The following RGS6 variants were observed in gnomAD, a reference collection of about 807,000 sequenced individuals.
The protein encoded by RGS6 is regulator of G-protein signaling 6.
RGS6 carries 30 observed loss-of-function variants against 78.5 expected under a neutral mutation model. That is an observed-to-expected ratio of 0.38 (90% CI 0.29 to 0.52). The LOEUF is 0.52. Ranked by LOEUF, RGS6 falls within the 20% of genes least tolerant of loss-of-function variation. RGS6 has a pLI of 0.85. For missense variants in RGS6, 495 were observed against 609.7 expected (o/e 0.81, Z 1.98); for synonymous variants, 206 against 206.0 (o/e 1.00, Z 0.00).
At chr14:71,933,448 C>G (rs2088254173) in intron 1 of RGS6, 1 of 152,292 alleles carries the variant, frequency 6.6e-6, no homozygotes, top group East Asian at 1.9e-4. Flanking sequence ...TGTTTGGGAA[C>G]TGCGCTAGCA....
At chr14:72,513,306 G>A (rs913269461) in intron 14 of RGS6, among the ~76,000 whole-genome samples, 1 of 152,092 alleles carries the variant, frequency 6.6e-6, no homozygotes, top group African/African-American at 2.4e-5. Context: ...ATCCTTTAAG[G>A]AACAATTTCT....
intron 2 of RGS6, among the ~76,000 whole-genome samples, chr14:72,180,224 G>A (rs1039889552): frequency 6.6e-6 from 1 of 152,162 alleles, no homozygotes; most frequent in African/African-American, 2.4e-5. Flanking sequence ...ATCTGAGCTG[G>A]CATTTTGGGT....
At chr14:71,972,948 C>G (rs901656190) in intron 2 of RGS6, among the ~76,000 whole-genome samples, 2 of 152,158 alleles carry the variant, frequency 1.3e-5, no homozygotes, top group Admixed American at 6.5e-5. Context: ...AGCTGTAGAA[C>G]TGGATTGCCT....
the RGS6 span, among the ~76,000 whole-genome samples, chr14:72,610,759 G>T: frequency 6.6e-6 from 1 of 152,198 alleles, no homozygotes; most frequent in Non-Finnish European, 1.5e-5. Flanking sequence ...TGGCTCTTGG[G>T]CTCCCAGGTT....
At chr14:72,580,075 T>A in the RGS6 span, among the ~76,000 whole-genome samples, 3 of 152,244 alleles carry the variant, frequency 2.0e-5, no homozygotes, top group African/African-American at 4.8e-5. Context: ...AATTCTTAGC[T>A]ACTGCAAAAA....
intron 3 of RGS6, among the ~76,000 whole-genome samples, chr14:72,368,381 A>G (rs2152823081): frequency 6.6e-6 from 1 of 152,338 alleles, no homozygotes; most frequent in East Asian, 1.9e-4. Flanking sequence ...CTAGTCATTC[A>G]TTAATGATCC....
rs141432295 is a variant in RGS6 at position 72,518,531 on chromosome 14, C to A, written c.1272C>A (p.Asp424Glu). ...ATGGAGGGAGATATACATTTGAAGA[C>A]GCCCAGGTTTGCTTATCTACTCAAG... The part of the protein sequence containing the change: ...VKDGGRYTFE[D>E]AQEHIYKLMK... The change falls in exon 15 of 18, where the codon GAC becomes GAA. Residue 424 changes from aspartate (D) to glutamate (E), a missense_variant. Asp to Glu is a conservative substitution (Grantham distance 45). Transcript: ENST00000553525. 5.0e-6 allele frequency: 8 copies of A among 1,613,798 alleles called. No individual in the cohort carries two copies. Among genetic ancestry groups the A allele is most frequent in the African/African-American group, 1.3e-5 (1 of 74,924 alleles).
intron 2 of RGS6, among the ~76,000 whole-genome samples, chr14:72,222,429 G>A (rs2047095086): frequency 6.6e-6 from 1 of 152,212 alleles, no homozygotes; most frequent in South Asian, 2.1e-4. Context: ...GCAGTAGCAT[G>A]TGCCCTGTCT....
intron 2 of RGS6, among the ~76,000 whole-genome samples, chr14:72,031,444 A>G (rs1204698695): frequency 1.3e-5 from 2 of 152,306 alleles, no homozygotes; most frequent in African/African-American, 4.8e-5. Context: ...AATATAATTG[A>G]CATATTTCCC....
At chr14:72,030,045 C>A (rs1203522100) in intron 2 of RGS6, among the ~76,000 whole-genome samples, 1 of 152,136 alleles carries the variant, frequency 6.6e-6, no homozygotes, top group Non-Finnish European at 1.5e-5. Context: ...GTAAAGAGTT[C>A]TAAGATCTTC....
At chr14:72,245,952 G>C (rs1001472219) in intron 2 of RGS6, among the ~76,000 whole-genome samples, 2 of 152,202 alleles carry the variant, frequency 1.3e-5, no homozygotes, top group Admixed American at 6.5e-5. Context: ...CAGGCATAGG[G>C]AGGGTACCTT....
At chr14:71,982,724 T>C (rs2094524141) in intron 2 of RGS6, among the ~76,000 whole-genome samples, 1 of 152,238 alleles carries the variant, frequency 6.6e-6, no homozygotes, top group Non-Finnish European at 1.5e-5. Flanking sequence ...GCAGCTCCAA[T>C]TGCTGGGCTC....
intron 2 of RGS6, among the ~76,000 whole-genome samples, chr14:72,074,722 A>G (rs989295341): frequency 2.6e-5 from 4 of 152,098 alleles, no homozygotes; most frequent in Non-Finnish European, 5.9e-5. Context: ...CCTATCTCAT[A>G]TGCAAGAGGG....
chr14:72,340,416 C>A (rs2076779334), intron 2 of RGS6, among the ~76,000 whole-genome samples: 1 of 152,132 alleles, frequency 6.6e-6, no homozygotes, highest in African/African-American at 2.4e-5. Context: ...GAGGAAGCCC[C>A]AAATGCGTAG....
In RGS6 at chr14:72,097,057, T is replaced by C. The variant is rs564797397; in HGVS notation, c.84+132182T>C. On this transcript the variant is annotated intron_variant, in intron 2 of 17. Coordinates refer to ENST00000553525, the MANE Select transcript of RGS6 (RefSeq NM_001204424.2). ...CTAGTACCCTCGAGTGTCCTTTTCA[T>C]GCCATTGGAAACTTGACAATAGTAA... Among the ~76,000 whole-genome samples the C allele has an allele frequency of 2.6e-5, 4 of 152,346 alleles. No individual in the cohort carries two copies. The South Asian group carries it at 6.2e-4, about 24-fold the overall frequency.
In RGS6 at chr14:72,458,496, G is replaced by C. The variant is rs139357396; in HGVS notation, c.342+119G>C. On this transcript the variant is annotated intron_variant, in intron 5 of 17. Coordinates refer to ENST00000553525, the MANE Select transcript of RGS6 (RefSeq NM_001204424.2). Reference sequence around the variant, plus strand: ...AGGGAGTAGCCCTCACTCCTCATCAGCACTGGGAAAGCCAAGAGAACTTTT... The same window carrying C: ...AGGGAGTAGCCCTCACTCCTCATCACCACTGGGAAAGCCAAGAGAACTTTT... The C allele has an allele frequency of 6.6e-4, 481 of 732,708 alleles. 3 individuals carry two copies. In the African/African-American group the frequency reaches 7.6e-3, roughly 12 times the overall value. The allele number at this position is 732,708 out of a possible 1,614,324, so 45.4% of individuals were successfully genotyped here.
chr14:71,974,212 CGAATA>C (rs894991686), intron 2 of RGS6, among the ~76,000 whole-genome samples: 23 of 151,872 alleles, frequency 1.5e-4, no homozygotes, highest in African/African-American at 4.8e-4. Flanking sequence ...AAAATAAAAG[CGAATA>C]GATACCTGTG....
chr14:72,061,473 T>C (rs1596876344), intron 2 of RGS6, among the ~76,000 whole-genome samples: 1 of 152,184 alleles, frequency 6.6e-6, no homozygotes, highest in East Asian at 1.9e-4. Flanking sequence ...ACTGTACTCT[T>C]TATTTAGCCA....
intron 2 of RGS6, among the ~76,000 whole-genome samples, chr14:72,197,109 A>G (rs1350728229): frequency 6.6e-6 from 1 of 152,104 alleles, no homozygotes; most frequent in African/African-American, 2.4e-5. Flanking sequence ...TCTGTTGCCC[A>G]GGCTGGAGTG....
Sources: gnomAD v4.1 joint callset for allele counts (sites outside exome capture counted in the v4.1 genomes callset) on GRCh38, gnomAD v4.1.1 for gene constraint, MANE v1.5 for transcripts, NCBI Gene and HGNC (gene_info 2026-07-23, HGNC 2026-07-21) for gene names.